WLS: variants seen among roughly 807,000 people sequenced by gnomAD.
WLS encodes protein wntless homolog.
Under a neutral mutation model 62.8 loss-of-function variants are expected in WLS, and 23 were observed. That is an observed-to-expected ratio of 0.37 (90% CI 0.26 to 0.52). The LOEUF is 0.52. Ranked by LOEUF, WLS falls within the 20% of genes least tolerant of loss-of-function variation. The probability of loss-of-function intolerance (pLI) is 0.92; values close to 1 mark genes in which losing one functional copy is unlikely to be tolerated. For synonymous variants in WLS, 246 were observed against 244.1 expected (o/e 1.01, Z -0.07); for missense variants, 615 against 697.3 (o/e 0.88, Z 1.33).
Position 68,155,084 on chromosome 1 carries a change from ATTACAT to A in WLS, c.666+9_666+14del, listed in dbSNP as rs774782893. The A allele has an allele frequency of 4.3e-6, 7 of 1,611,932 alleles. No individual in the cohort carries two copies. Among genetic ancestry groups the A allele is most frequent in the Non-Finnish European group, 5.9e-6 (7 of 1,178,984 alleles). On this transcript the variant is annotated intron_variant, in intron 4 of 11. Transcript: ENST00000262348. ...CCCTCCAATACACATGTCAAGATCA[ATTACAT>A]TCACTTACCACCAACCGGATATCCT...
rs368785532 is a variant in WLS, at chr1:68,118,931, A to G, written c.1510+18849T>C. Among the ~76,000 whole-genome samples, 14 of 149,250 alleles carry G rather than the reference A, an allele frequency of 9.4e-5. No homozygotes were observed. The East Asian group carries it at 2.2e-3, about 23-fold the overall frequency. On this transcript the variant is annotated intron_variant, in intron 11 of 11. Coordinates refer to the WLS transcript ENST00000354777. ...CCTGGCCCAATATTAGATGTTCAAC[A>G]TATGCTTATTGAATGAATAATTGAT...
Position 68,144,568 on chromosome 1 carries a change from CCTGA to C in WLS, c.1359_1362del (p.Ser453ArgfsTer2). On this transcript the variant is annotated frameshift_variant and splice_region_variant, in exon 10 of 12. Transcript: ENST00000262348. LOFTEE classifies it high-confidence loss of function. Reference sequence around the variant, plus strand: ...ACCTTGACATCTCAGGGTCCACTTACCTGACTAACGATGAAGAAGATGACAGTCA... The same window carrying C: ...ACCTTGACATCTCAGGGTCCACTTACCTAACGATGAAGAAGATGACAGTCA... 1 of 1,613,146 alleles carries C rather than the reference CCTGA, an allele frequency of 6.2e-7. No homozygotes were observed. Among genetic ancestry groups the C allele is most frequent in the Admixed American group, 1.7e-5 (1 of 59,984 alleles).
chr1:68,185,050 G>A (rs951237387), intron 2 of WLS, among the ~76,000 whole-genome samples: 1 of 152,162 alleles, frequency 6.6e-6, no homozygotes, highest in African/African-American at 2.4e-5. Flanking sequence ...AGAGTCGGGG[G>A]AGGTTTCTCC....
chr1:68,231,168 GA>G, intron 1 of WLS, among the ~76,000 whole-genome samples: 1 of 152,162 alleles, frequency 6.6e-6, no homozygotes, highest in Admixed American at 6.5e-5. Flanking sequence ...CGGGAGGATG[GA>G]TGCAGATGGG....
chr1:68,137,483 G>C (rs986518021), intron 11 of WLS, among the ~76,000 whole-genome samples: 3 of 152,180 alleles, frequency 2.0e-5, no homozygotes, highest in African/African-American at 7.2e-5. Context: ...GCTCAAAAAT[G>C]TAAAGAAGAA....
chr1:68,132,624 G>T lies in WLS; in HGVS notation c.1516+5156C>A, dbSNP rs78011125. ...CGCTTTTGCTCCCCGCAGAGTGGGT[G>T]CATTAGACAGAAAATGCTTAGCGTG... is the stretch of plus-strand genomic sequence containing the variant. On this transcript the variant is annotated intron_variant, in intron 11 of 11. Coordinates refer to ENST00000262348, the MANE Select transcript of WLS (RefSeq NM_024911.7). 2.7e-3 allele frequency among the ~76,000 whole-genome samples: 410 copies of T among 152,318 alleles called. 2 individuals carry two copies. The highest frequency in any genetic ancestry group is 9.9e-3 in the Admixed American group (151 of 15,294).
chr1:68,222,477 A>G (rs895697657), intron 1 of WLS, among the ~76,000 whole-genome samples: 2 of 152,198 alleles, frequency 1.3e-5, no homozygotes, highest in African/African-American at 2.4e-5. Flanking sequence ...AGAAAAATCA[A>G]TCGAGCTATA....
intron 2 of WLS, among the ~76,000 whole-genome samples, chr1:68,191,893 C>A (rs1428086779): frequency 1.3e-5 from 2 of 152,138 alleles, no homozygotes; most frequent in African/African-American, 4.8e-5. Context: ...GATTGCCTCT[C>A]TACAACTCTC....
chr1:68,122,363 T>TA (rs1365127745), downstream of WLS, among the ~76,000 whole-genome samples: 1 of 152,214 alleles, frequency 6.6e-6, no homozygotes, highest in Non-Finnish European at 1.5e-5. Flanking sequence ...GTTAGAGCTT[T>TA]ATCTCAGTTC....
chr1:68,154,966 C>T, intron 4 of WLS, 133 bp downstream of exon 4: 1 of 1,008,236 alleles, frequency 9.9e-7, no homozygotes, highest in Non-Finnish European at 1.4e-6. Context: ...AATTAGTTCA[C>T]TTTATGATCT....
At chr1:68,196,097 A>G (rs1408611623) in intron 1 of WLS, among the ~76,000 whole-genome samples, 1 of 151,498 alleles carries the variant, frequency 6.6e-6, no homozygotes, top group Non-Finnish European at 1.5e-5. Context: ...CTCTTCCCCA[A>G]TCCATTTCAA....
At chr1:68,124,508 C>T (rs1298088944), downstream of WLS, among the ~76,000 whole-genome samples, 1 of 151,706 alleles carries the variant, frequency 6.6e-6, no homozygotes, top group Non-Finnish European at 1.5e-5. Flanking sequence ...TAAGGTCTAT[C>T]TAAAGTCCTT....
intron 2 of WLS, among the ~76,000 whole-genome samples, chr1:68,178,705 C>CAAAAAAAAAAAA (rs376126398): frequency 2.8e-5 from 3 of 108,230 alleles, no homozygotes; most frequent in African/African-American, 3.2e-5. Context: ...GACTACATTT[C>CAAAAAAAAAAAA]AAAAAAAAAA....
At chr1:68,212,231 G>A (rs1649543556) in intron 1 of WLS, among the ~76,000 whole-genome samples, 1 of 152,156 alleles carries the variant, frequency 6.6e-6, no homozygotes, top group Non-Finnish European at 1.5e-5. Flanking sequence ...TCTCGACAAA[G>A]GATGATGGGA....
intron 11 of WLS, among the ~76,000 whole-genome samples, chr1:68,110,069 GATAAA>G (rs1646204311): frequency 8.7e-6 from 1 of 115,102 alleles, no homozygotes; most frequent in Non-Finnish European, 1.8e-5. Flanking sequence ...AGGAATTAAA[GATAAA>G]ATAGAAGAAC....
At chr1:68,218,265 A>G (rs1000017847) in intron 1 of WLS, among the ~76,000 whole-genome samples, 2 of 152,074 alleles carry the variant, frequency 1.3e-5, no homozygotes, top group Non-Finnish European at 2.9e-5. Flanking sequence ...TTTGTTTTTA[A>G]TTACTTTAAC....
chr1:68,181,897 T>C (rs1647596725), intron 2 of WLS, among the ~76,000 whole-genome samples: 1 of 152,240 alleles, frequency 6.6e-6, no homozygotes, highest in South Asian at 2.1e-4. Flanking sequence ...GGGGTTCTCT[T>C]AGCCCTTACA....
At position 68,125,492 on chromosome 1, in the gene WLS, T is replaced by C; in HGVS notation, c.*734A>G. The C allele has an allele frequency of 1.0e-6, 1 of 985,370 alleles. No homozygotes were observed. The highest frequency in any genetic ancestry group is 1.2e-6 in the Non-Finnish European group (1 of 829,906). The allele number at this position is 985,370 out of a possible 1,614,324, so 61.0% of individuals were successfully genotyped here. ...AATAAAACGCATTTTAAGCAAGAAG[T>C]TAAAAAAGCTTTTCAGACCCGAAGG... On this transcript the variant is annotated 3_prime_UTR_variant, in exon 12 of 12. Transcript: ENST00000262348.
At chr1:68,144,945 T>A (rs1379336262) in intron 9 of WLS, among the ~76,000 whole-genome samples, 1 of 152,222 alleles carries the variant, frequency 6.6e-6, no homozygotes, top group African/African-American at 2.4e-5. Context: ...AAGCTGGTTA[T>A]GCTTCTCTGC....
Sources: allele counts gnomAD v4.1 joint callset (sites outside exome capture counted in the v4.1 genomes callset), GRCh38; gene constraint gnomAD v4.1.1; transcripts MANE v1.5; gene names NCBI Gene and HGNC (gene_info 2026-07-23, HGNC 2026-07-21).